The following AGAP5 variants were observed in gnomAD, a reference collection of about 807,000 sequenced individuals.
The protein encoded by AGAP5 is ArfGAP with GTPase domain, ankyrin repeat and PH domain 5, also known as arf-GAP with GTPase, ANK repeat and PH domain-containing protein 5.
Under a neutral mutation model 27.7 loss-of-function variants are expected in AGAP5, and 8 were observed. The observed-to-expected ratio is 0.29, with a 90% CI of 0.17 to 0.52. The LOEUF is 0.52. Among genes scored for constraint, AGAP5 ranks in the 20% least tolerant of loss-of-function variants. AGAP5 has a pLI of 0.97. For missense variants in AGAP5, 285 were observed against 880.8 expected (o/e 0.32, Z 8.56); for synonymous variants, 111 against 338.0 (o/e 0.33, Z 7.37).
At chr10:73,691,567 A>C (rs1454068179) in intron 4 of AGAP5, among the ~76,000 whole-genome samples, 2 of 147,162 alleles carry the variant, frequency 1.4e-5, no homozygotes, top group Admixed American at 7.1e-5. Context: ...ATCTTGGCTC[A>C]CTGCAACCTC....
chr10:73,688,556 A>G (rs1378957704), intron 4 of AGAP5, among the ~76,000 whole-genome samples: 1 of 152,132 alleles, frequency 6.6e-6, no homozygotes, highest in Non-Finnish European at 1.5e-5. Context: ...ATAAAATTCA[A>G]TAGAAATAGT....
rs2081965875 is a variant in AGAP5 at position 73,675,056 on chromosome 10, A to T, written c.1604T>A (p.Ile535Asn). The stretch of plus-strand genomic sequence containing the variant: ...GATGCTGTTGGCTAGGTCATTGCCA[A>T]TAGATGACATAACCTTCCTGAGCTC... ...PVELRKVMSS[I>N]GNDLANSIWE... is the part of the protein sequence containing the mutation. Residue 535 changes from isoleucine (I) to asparagine (N), a missense_variant, in exon 8 of 8, where the codon ATT (isoleucine) becomes AAT (asparagine). Ile to Asn is a moderately radical substitution (Grantham distance 149, BLOSUM62 -3). Coordinates refer to ENST00000374094, the MANE Select transcript of AGAP5 (RefSeq NM_001144000.4). The T allele has an allele frequency of 1.2e-6, 2 of 1,611,614 alleles. No individual in the cohort carries two copies. The highest frequency in any genetic ancestry group is 1.7e-6 in the Non-Finnish European group (2 of 1,179,364).
At chr10:73,676,475 GA>G (rs1190978768) in intron 7 of AGAP5, among the ~76,000 whole-genome samples, 6 of 145,208 alleles carry the variant, frequency 4.1e-5, no homozygotes, top group African/African-American at 7.7e-5. Flanking sequence ...TACAGAAAGA[GA>G]GTCCATCAAA....
intron 2 of AGAP5, among the ~76,000 whole-genome samples, chr10:73,695,026 T>A (rs1252461840): frequency 1.3e-5 from 2 of 151,024 alleles, no homozygotes; most frequent in Non-Finnish European, 2.9e-5. Context: ...TGAACCCAGG[T>A]CAGGAAGTTG....
chr10:73,687,398 C>T (rs766043768), intron 4 of AGAP5, among the ~76,000 whole-genome samples: 15 of 152,160 alleles, frequency 9.9e-5, no homozygotes, highest in African/African-American at 3.1e-4. Flanking sequence ...ATATGAAAGG[C>T]GCATACCACC....
In AGAP5 at chr10:73,681,456, T is replaced by G. The variant is rs1409901511; in HGVS notation, c.497+1238A>C. 4.1e-6 allele frequency: 4 copies of G among 985,366 alleles called. No homozygotes were observed. The East Asian group carries it at 4.5e-4, about 112-fold the overall frequency. 61.0% of individuals were successfully genotyped at this position (985,366 alleles called of 1,614,324 possible). On this transcript the variant is annotated intron_variant, in intron 5 of 7. Coordinates refer to ENST00000374094, the MANE Select transcript of AGAP5 (RefSeq NM_001144000.4). ...GTGCCACCTATCCCACTGACAACAG[T>G]GCACTACTGATTCATGATAAAACAT...
In AGAP5 at chr10:73,697,589, ACGGTCAC is replaced by A. The variant is rs750075733; in HGVS notation, c.160_166del (p.Val54LeufsTer67). ...CATGTGGAGGTCCTCACCAACTTCA[ACGGTCAC>A]CTCAGCAGGCTGCACAGCAGCAGCC... On this transcript the variant is annotated frameshift_variant, in exon 1 of 8. Transcript: ENST00000374094. LOFTEE classifies it high-confidence loss of function. The A allele has an allele frequency of 1.2e-5, 19 of 1,612,254 alleles. No homozygotes were observed. The highest frequency in any genetic ancestry group is 1.5e-5 in the Non-Finnish European group (18 of 1,179,924).
At chr10:73,679,745 T>C (rs2082009483) in intron 6 of AGAP5, among the ~76,000 whole-genome samples, 1 of 152,178 alleles carries the variant, frequency 6.6e-6, no homozygotes, top group African/African-American at 2.4e-5. Context: ...AAGACAGTCC[T>C]TACAACAAAG....
Position 73,675,539 on chromosome 10 carries a change from G to T in AGAP5, c.1121C>A (p.Ser374Tyr). 1 of 1,614,102 alleles carries T rather than the reference G, an allele frequency of 6.2e-7. No individual in the cohort carries two copies. The highest frequency in any genetic ancestry group is 1.1e-5 in the South Asian group (1 of 91,084). ...SKDMDTGLGD[S>Y]ICFSPSISST... ...GGAGATACTGGGGCTGAAGCATATG[G>T]AGTCACCCAGCCCGGTGTCCATGTC... Residue 374 changes from serine to tyrosine, a missense_variant, in exon 8 of 8, where the codon TCC becomes TAC. Ser to Tyr is a moderately radical substitution (Grantham distance 144). Coordinates refer to ENST00000374094, the MANE Select transcript of AGAP5 (RefSeq NM_001144000.4).
rs200342442 is a variant in AGAP5 at position 73,697,761 on chromosome 10, G to A, written c.-6C>T. On this transcript the variant is annotated 5_prime_UTR_variant, in exon 1 of 8. Coordinates refer to ENST00000374094, the MANE Select transcript of AGAP5 (RefSeq NM_001144000.4). ...CAGGTCAGTATGTTCCCCATGGGGCGCCTCTACTGTCTGCCACCACCTGTG... is the reference window on the plus strand; with the variant it reads ...CAGGTCAGTATGTTCCCCATGGGGCACCTCTACTGTCTGCCACCACCTGTG... 0.01 allele frequency: 16,252 copies of A among 1,597,516 alleles called. 103 individuals carry two copies. The highest frequency in any genetic ancestry group is 0.012 in the Non-Finnish European group (14,272 of 1,179,706).
chr10:73,697,965 C>A lies in AGAP5; in HGVS notation c.-210G>T. 1 of 1,501,160 alleles carries A rather than the reference C, an allele frequency of 6.7e-7. No homozygotes were observed. The highest frequency in any genetic ancestry group is 8.9e-7 in the Non-Finnish European group (1 of 1,129,862). 93.0% of individuals were successfully genotyped at this position (1,501,160 alleles called of 1,614,324 possible). A position where few individuals can be genotyped will look rare whatever the true frequency, so the allele number is the denominator to read the frequency against. On this transcript the variant is annotated 5_prime_UTR_variant, in exon 1 of 8. It adds an upstream start codon to the 5' untranslated region. Coordinates refer to ENST00000374094, the MANE Select transcript of AGAP5 (RefSeq NM_001144000.4). The stretch of plus-strand genomic sequence containing the variant: ...CGGGTCAAGGCCCACACCCTGCTGC[C>A]TCCCCTGAGTTGACTTGTCTGGGAG...
intron 3 of AGAP5, among the ~76,000 whole-genome samples, chr10:73,692,633 A>ATT (rs71021562): frequency 7.4e-4 from 57 of 77,014 alleles, no homozygotes; most frequent in African/African-American, 1.4e-3. Flanking sequence ...CCTATCTTAA[A>ATT]TTTTTTTTTT....
intron 5 of AGAP5, chr10:73,682,356 GC>G (rs1589468646): frequency 5.1e-6 from 1 of 196,292 alleles, no homozygotes; most frequent in East Asian, 1.9e-4. Flanking sequence ...CCAAAGTAGT[GC>G]ACACTGATTT....
At chr10:73,686,232 A>G (rs1234061643) in intron 4 of AGAP5, among the ~76,000 whole-genome samples, 1 of 152,254 alleles carries the variant, frequency 6.6e-6, no homozygotes, top group Non-Finnish European at 1.5e-5. Flanking sequence ...AACAGAATAG[A>G]GAACCTAGAA....
At chr10:73,697,290 T>A in intron 1 of AGAP5, 127 bp from the exon 2 acceptor site, 1 of 1,475,446 alleles carries the variant, frequency 6.8e-7, no homozygotes, top group Non-Finnish European at 9.1e-7. Flanking sequence ...CCTGGGAGAA[T>A]GAGATGAGAG....
At chr10:73,689,180 G>T (rs543752041) in intron 4 of AGAP5, among the ~76,000 whole-genome samples, 2 of 152,362 alleles carry the variant, frequency 1.3e-5, no homozygotes, top group South Asian at 4.1e-4. Context: ...GTGGAGACGG[G>T]GTTTCGCTCT....
intron 4 of AGAP5, among the ~76,000 whole-genome samples, chr10:73,686,086 T>G (rs368463755): frequency 6.6e-6 from 1 of 152,176 alleles, no homozygotes; most frequent in East Asian, 1.9e-4. Context: ...AAACAAGAAC[T>G]GGCATAGCCA....
chr10:73,691,862 C>T (rs1308931102), intron 4 of AGAP5, among the ~76,000 whole-genome samples, 181 bp downstream of exon 4: 6 of 151,234 alleles, frequency 4.0e-5, no homozygotes, highest in African/African-American at 1.5e-4. Flanking sequence ...AAGGTGGACA[C>T]GCTAAGCTAA....
rs1225647166 is a variant in AGAP5, at chr10:73,674,683, T to C, written c.1977A>G (p.Thr659=). The C allele has an allele frequency of 2.5e-6, 4 of 1,611,858 alleles. No individual in the cohort carries two copies. Among genetic ancestry groups the C allele is most frequent in the Non-Finnish European group, 3.4e-6 (4 of 1,179,844 alleles). The change falls in exon 8 of 8, where the codon ACA becomes ACG. Residue 659 remains threonine (T), a synonymous_variant. Coordinates refer to ENST00000374094, the MANE Select transcript of AGAP5 (RefSeq NM_001144000.4). ...DVMARDAHGN[T]ALTYARQASS... ...AGGCCTGCCGGGCGTAGGTCAGCGC[T>C]GTGTTCCCGTGGGCATCTCGGGCCA...
Sources: allele counts gnomAD v4.1 joint callset (sites outside exome capture counted in the v4.1 genomes callset), GRCh38; gene constraint gnomAD v4.1.1; transcripts MANE v1.5; gene names NCBI Gene and HGNC (gene_info 2026-07-23, HGNC 2026-07-21).